Variants in HERC2 observed in about 807,000 individuals in gnomAD.
The protein encoded by HERC2 is HECT and RLD domain containing E3 ubiquitin protein ligase 2, also known as E3 ubiquitin-protein ligase HERC2.
HERC2 carries 102 observed loss-of-function variants against 537.7 expected under a neutral mutation model. The ratio of observed to expected loss-of-function variants is 0.19; its 90% confidence interval spans 0.16 to 0.22. The LOEUF is 0.22. Ranked by LOEUF, HERC2 falls within the 10% of genes least tolerant of loss-of-function variation. HERC2 has a pLI of 1.00. For synonymous variants in HERC2, 2,224 were observed against 2,466.2 expected (o/e 0.90, Z 2.91); for missense variants, 4,236 against 6,198.2 (o/e 0.68, Z 10.63).
intron 23 of HERC2, among the ~76,000 whole-genome samples, chr15:28,242,310 C>T (rs1903209998): frequency 6.6e-6 from 1 of 152,186 alleles, no homozygotes; most frequent in Admixed American, 6.5e-5. Context: ...ATCTTATACA[C>T]ACCCTTCCAA....
chr15:28,255,409 T>C (rs2140890323), intron 19 of HERC2, among the ~76,000 whole-genome samples: 1 of 152,262 alleles, frequency 6.6e-6, no homozygotes, highest in Middle Eastern at 3.4e-3. Flanking sequence ...ACTACACCTA[T>C]AAAATGGAAT....
intron 2 of HERC2, among the ~76,000 whole-genome samples, chr15:28,306,069 C>T (rs538583534): frequency 3.3e-5 from 5 of 152,296 alleles, no homozygotes; most frequent in Non-Finnish European, 1.5e-5. Flanking sequence ...AACACTTTTA[C>T]ACTGTTGGTG....
At chr15:28,233,950 C>A (rs1320391658) in intron 27 of HERC2, 120 bp downstream of exon 27, 1 of 662,900 alleles carries the variant, frequency 1.5e-6, no homozygotes, top group East Asian at 2.6e-5. Flanking sequence ...TCAAAACCCT[C>A]CAAATAATAC....
In HERC2 at chr15:28,220,454, G is replaced by C. The variant is rs1011234364; in HGVS notation, c.5843C>G (p.Ser1948Cys). 59 of 1,606,870 alleles carry C rather than the reference G, an allele frequency of 3.7e-5. No individual in the cohort carries two copies. The highest frequency in any genetic ancestry group is 5.0e-5 in the Non-Finnish European group (59 of 1,179,734). The change falls in exon 37 of 93, where the codon TCT becomes TGT. Residue 1948 changes from serine (S) to cysteine (C), a missense_variant and splice_region_variant. Physicochemically the swap from Ser to Cys is moderately radical, Grantham distance 112. Transcript: ENST00000261609. Reference sequence around the variant, plus strand: ...AAACACCTTCCTGAGTCACCCACCAGAGTCATCCTCTGTGTCCGAATCCTC... The same window carrying C: ...AAACACCTTCCTGAGTCACCCACCACAGTCATCCTCTGTGTCCGAATCCTC... ...SAEDSDTEDD[S>C]EAEQTERNIH...
chr15:28,119,595 A>T (rs912767524), intron 86 of HERC2, among the ~76,000 whole-genome samples: 32 of 151,802 alleles, frequency 2.1e-4, no homozygotes, highest in Non-Finnish European at 4.4e-5. Context: ...CTGGGACTAC[A>T]GGCACCCACC....
At chr15:28,221,979 G>A (rs759585667) in intron 36 of HERC2, 49 bp downstream of exon 36, 3 of 1,050,680 alleles carry the variant, frequency 2.9e-6, no homozygotes, top group Non-Finnish European at 3.0e-6. Context: ...GAACTGTGCA[G>A]AAGATAACTA....
At chr15:28,313,882 A>G (rs1182911171) in intron 2 of HERC2, among the ~76,000 whole-genome samples, 1 of 152,152 alleles carries the variant, frequency 6.6e-6, no homozygotes, top group African/African-American at 2.4e-5. Flanking sequence ...GATGAGACTG[A>G]GAAGCAAAAC....
chr15:28,235,335 T>C (rs1412640179), intron 26 of HERC2, among the ~76,000 whole-genome samples: 1 of 152,142 alleles, frequency 6.6e-6, no homozygotes, highest in African/African-American at 2.4e-5. Flanking sequence ...CCAGGGCCCA[T>C]GGCACCCTCT....
chr15:28,225,009 A>C (rs1042596546), intron 35 of HERC2, among the ~76,000 whole-genome samples: 1 of 152,250 alleles, frequency 6.6e-6, no homozygotes, highest in African/African-American at 2.4e-5. Flanking sequence ...GGGCAATTAT[A>C]CTATGAAAGT....
At chr15:28,160,110 G>A (rs574272053) in intron 69 of HERC2, among the ~76,000 whole-genome samples, 1 of 152,194 alleles carries the variant, frequency 6.6e-6, no homozygotes, top group Admixed American at 6.5e-5. Flanking sequence ...TCTCAGAGGG[G>A]TACCCGGCCG....
chr15:28,271,629 A>G (rs958305395), intron 9 of HERC2, among the ~76,000 whole-genome samples: 3 of 152,134 alleles, frequency 2.0e-5, no homozygotes, highest in African/African-American at 4.8e-5. Flanking sequence ...AGATCACGCC[A>G]CTGCACTCCA....
At chr15:28,255,724 T>A in intron 19 of HERC2, 148 bp downstream of exon 19, 1 of 841,536 alleles carries the variant, frequency 1.2e-6, no homozygotes, top group Non-Finnish European at 1.8e-6. Context: ...ATTTTGTAAA[T>A]TGGCACATAA....
At chr15:28,308,171 C>G (rs1320625531) in intron 2 of HERC2, among the ~76,000 whole-genome samples, 1 of 151,956 alleles carries the variant, frequency 6.6e-6, no homozygotes, top group Admixed American at 6.6e-5. Flanking sequence ...AATATTGATT[C>G]TTCCAATCCA....
At chr15:28,211,843 G>A (rs1273921761) in intron 43 of HERC2, among the ~76,000 whole-genome samples, 21 of 152,180 alleles carry the variant, frequency 1.4e-4, no homozygotes, top group Admixed American at 1.4e-3. Flanking sequence ...GGAGCAAGAG[G>A]GGAGAAAACT....
chr15:28,299,581 G>A, intron 2 of HERC2, 65 bp from the exon 3 acceptor site: 1 of 817,778 alleles, frequency 1.2e-6, no homozygotes, highest in Admixed American at 2.1e-5. Context: ...TTTAAAGAAT[G>A]ATATGGGAAA....
At chr15:28,229,060 A>C (rs1157420951) in intron 34 of HERC2, 135 bp downstream of exon 34, 8 of 840,972 alleles carry the variant, frequency 9.5e-6, no homozygotes, top group African/African-American at 1.7e-5. Context: ...AGCTGACAGC[A>C]GCATAGATTA....
At chr15:28,173,790 A>C (rs1224083295) in intron 65 of HERC2, among the ~76,000 whole-genome samples, 7 of 138,876 alleles carry the variant, frequency 5.0e-5, no homozygotes, top group African/African-American at 2.0e-4. Flanking sequence ...GACCCTGTCT[A>C]CAAAAAAAAA....
chr15:28,251,151 T>C (rs1207021236), intron 20 of HERC2, among the ~76,000 whole-genome samples: 3 of 152,130 alleles, frequency 2.0e-5, no homozygotes, highest in Non-Finnish European at 2.9e-5. Context: ...TTGGTTGTAT[T>C]AATAAATGTG....
intron 1 of HERC2, among the ~76,000 whole-genome samples, chr15:28,321,748 C>T (rs571292094): frequency 7.4e-6 from 1 of 134,900 alleles, no homozygotes; most frequent in Admixed American, 7.1e-5. Context: ...ACAATGTCAT[C>T]CCCCTGCCCT....
Sources: allele counts gnomAD v4.1 joint callset (sites outside exome capture counted in the v4.1 genomes callset), GRCh38; gene constraint gnomAD v4.1.1; transcripts MANE v1.5; gene names NCBI Gene and HGNC (gene_info 2026-07-23, HGNC 2026-07-21).